The following TENM1 variants were observed in gnomAD, a reference collection of about 807,000 sequenced individuals.
TENM1 encodes teneurin-1.
Under a neutral mutation model 174.8 loss-of-function variants are expected in TENM1, and 35 were observed. The ratio of observed to expected loss-of-function variants is 0.20; its 90% CI spans 0.15 to 0.27. The LOEUF (loss-of-function observed/expected upper bound fraction) is 0.27, where lower values mean the gene tolerates loss of function less well. Among genes scored for constraint, TENM1 ranks in the 10% least tolerant of loss-of-function variants. The pLI is 1.00. For synonymous variants in TENM1, 781 were observed against 798.7 expected, an observed-to-expected ratio of 0.98 and a Z score of 0.37; for missense variants, 1,633 against 2,130.1, an observed-to-expected ratio of 0.77 and a Z score of 4.59.
intron 11 of TENM1, among the ~76,000 whole-genome samples, chrX:124,600,835 T>A (rs758210473): frequency 1.4e-3 from 161 of 111,829 alleles, no homozygotes; most frequent in African/African-American, 5.0e-3. Flanking sequence ...GCATGACAAC[T>A]AAAATGTAGT....
intron 11 of TENM1, among the ~76,000 whole-genome samples, chrX:124,595,929 A>G (rs1470844641): frequency 8.9e-6 from 1 of 112,172 alleles, no homozygotes; most frequent in Non-Finnish European, 1.9e-5. Flanking sequence ...AAACTAATAT[A>G]GTTTAGCACG....
chrX:125,156,270 T>C, the TENM1 span, among the ~76,000 whole-genome samples: 1 of 111,832 alleles, frequency 8.9e-6, no homozygotes, highest in Non-Finnish European at 1.9e-5. Flanking sequence ...AAAAAGCTTT[T>C]ATTTTGGGTT....
At chrX:124,739,951 T>C (rs2053762322) in intron 3 of TENM1, among the ~76,000 whole-genome samples, 1 of 112,076 alleles carries the variant, frequency 8.9e-6, no homozygotes, top group Non-Finnish European at 1.9e-5. Context: ...ATCTATTCAA[T>C]TGACAGAGAA....
the TENM1 span, among the ~76,000 whole-genome samples, chrX:125,018,271 T>C: frequency 1.8e-5 from 2 of 111,616 alleles, no homozygotes; most frequent in Non-Finnish European, 3.8e-5. Flanking sequence ...ATCCAACAAA[T>C]AGGTTCATGG....
chrX:124,809,843 GGAGAGAGA>G (rs4027522), intron 3 of TENM1, among the ~76,000 whole-genome samples: 56 of 78,673 alleles, frequency 7.1e-4, no homozygotes, highest in African/African-American at 1.6e-3. Flanking sequence ...CATGACAGCA[GGAGAGAGA>G]GAGAGAGAGA....
chrX:124,536,596 G>A (rs755817727), intron 15 of TENM1, among the ~76,000 whole-genome samples: 3 of 111,500 alleles, frequency 2.7e-5, no homozygotes, highest in East Asian at 5.7e-4. Context: ...TCAAAAGTAC[G>A]CTTGCTTTGG....
the TENM1 span, among the ~76,000 whole-genome samples, chrX:124,997,124 C>T: frequency 0.094 from 10,345 of 110,556 alleles, 1,177 homozygotes; most frequent in African/African-American, 0.32. Context: ...AAGGATAAGG[C>T]AAATCAGGGC....
At chrX:125,174,783 A>G in the TENM1 span, among the ~76,000 whole-genome samples, 1 of 111,536 alleles carries the variant, frequency 9.0e-6, no homozygotes, top group Non-Finnish European at 1.9e-5. Context: ...TATGCTGTTA[A>G]CAGTTAGTAA....
chrX:124,863,018 C>A (rs909687555), intron 3 of TENM1, among the ~76,000 whole-genome samples: 1 of 108,991 alleles, frequency 9.2e-6, no homozygotes, highest in African/African-American at 3.3e-5. Context: ...ACTGGACAAA[C>A]CCTGGGCCAG....
chrX:124,863,572 C>T (rs146627617), intron 3 of TENM1, among the ~76,000 whole-genome samples: 1,170 of 112,121 alleles, frequency 0.01, 12 homozygotes, highest in African/African-American at 0.036. Context: ...GACTGTCTCT[C>T]GTGTTCTGAG....
chrX:124,751,931 T>C (rs1220304075), intron 3 of TENM1, among the ~76,000 whole-genome samples: 3 of 110,423 alleles, frequency 2.7e-5, no homozygotes, highest in African/African-American at 9.9e-5. Context: ...TTGCTATTGT[T>C]AATAGTGCCG....
intron 3 of TENM1, among the ~76,000 whole-genome samples, chrX:124,767,742 G>A (rs1437214491): frequency 9.0e-6 from 1 of 110,855 alleles, no homozygotes; most frequent in Non-Finnish European, 1.9e-5. Flanking sequence ...GATTTTATTC[G>A]ACGACGTGCA....
the TENM1 span, among the ~76,000 whole-genome samples, chrX:125,194,158 A>G: frequency 4.5e-5 from 5 of 111,193 alleles, no homozygotes; most frequent in Non-Finnish European, 3.8e-5. Context: ...GAATAAGTCC[A>G]AACCTGACTG....
chrX:124,408,805 G>A (rs1392194859), intron 25 of TENM1, among the ~76,000 whole-genome samples: 6 of 82,675 alleles, frequency 7.3e-5, no homozygotes, highest in Non-Finnish European at 1.4e-4. Flanking sequence ...ATCTCCTAAT[G>A]CTATCCCTCC....
intron 3 of TENM1, among the ~76,000 whole-genome samples, chrX:124,831,030 A>G (rs766260973): frequency 3.6e-5 from 4 of 112,048 alleles, no homozygotes; most frequent in South Asian, 3.7e-4. Flanking sequence ...TTTTTGCCTT[A>G]GTCAAGGACA....
At chrX:124,565,256 C>A in intron 12 of TENM1, 119 bp downstream of exon 15, 1 of 449,950 alleles carries the variant, frequency 2.2e-6, no homozygotes, top group African/African-American at 2.5e-5. Context: ...GTAACCAACC[C>A]TCCTTCTCCT....
chrX:124,790,729 A>G (rs1309343023), intron 3 of TENM1, among the ~76,000 whole-genome samples: 1 of 111,846 alleles, frequency 8.9e-6, no homozygotes, highest in African/African-American at 3.2e-5. Context: ...AAAGAAGAGA[A>G]ATTTGTAAGC....
Position 124,693,269 on chromosome X carries a change from C to T in TENM1, c.1015+11744G>A, listed in dbSNP as rs147028719. On this transcript the variant is annotated intron_variant, in intron 5 of 31. Coordinates refer to ENST00000422452, the Ensembl canonical transcript of TENM1. ...TAATTCCAAGGTATTAAAGGTTGTGCCCTTCAATACTTACAGTCAGGCCTA... is the reference window on the plus strand; with the variant it reads ...TAATTCCAAGGTATTAAAGGTTGTGTCCTTCAATACTTACAGTCAGGCCTA... Among the ~76,000 whole-genome samples the T allele has an allele frequency of 9.2e-4, 102 of 110,567 alleles. No homozygotes were observed. In the East Asian group the frequency reaches 0.027, roughly 29 times the overall value.
chrX:125,107,111 G>A, the TENM1 span, among the ~76,000 whole-genome samples: 2 of 111,981 alleles, frequency 1.8e-5, no homozygotes, highest in Admixed American at 1.9e-4. Flanking sequence ...AAAGATTTGC[G>A]TGGTTGGATA....
Sources: allele counts gnomAD v4.1 joint callset (sites outside exome capture counted in the v4.1 genomes callset), GRCh38; gene constraint gnomAD v4.1.1; transcripts MANE v1.5; gene names NCBI Gene and HGNC (gene_info 2026-07-23, HGNC 2026-07-21).